The following MYO1F variants were observed in gnomAD, a reference collection of about 807,000 sequenced individuals.
The protein encoded by MYO1F is unconventional myosin-If.
A neutral mutation model predicts 146.6 loss-of-function variants in MYO1F; 60 were observed. That is an observed-to-expected ratio of 0.41 (90% CI 0.33 to 0.51). The LOEUF (loss-of-function observed/expected upper bound fraction) is 0.51, where lower values mean the gene tolerates loss of function less well. Ranked by LOEUF, MYO1F falls within the 20% of genes least tolerant of loss-of-function variation. The pLI is 0.25. For synonymous variants in MYO1F, 602 were observed against 602.1 expected (o/e 1.00, Z 0.00); for missense variants, 1,274 against 1,534.3 (o/e 0.83, Z 2.83).
At chr19:8,532,532 C>A (rs74367415) in intron 19 of MYO1F, among the ~76,000 whole-genome samples, 2,670 of 152,190 alleles carry the variant, frequency 0.018, 33 homozygotes, top group African/African-American at 0.037. Flanking sequence ...GAGAAACATC[C>A]TACTTCAAAG....
intron 1 of MYO1F, chr19:8,576,928 CTA>C: frequency 2.7e-6 from 1 of 376,794 alleles, no homozygotes; most frequent in South Asian, 3.1e-5. Flanking sequence ...GGGGAAGTGA[CTA>C]GCCCAAGGCT....
chr19:8,522,183 C>T (rs937233717), intron 27 of MYO1F, among the ~76,000 whole-genome samples, 194 bp downstream of exon 27: 24 of 152,160 alleles, frequency 1.6e-4, no homozygotes, highest in East Asian at 1.5e-3. Context: ...CCACCACGCC[C>T]GGCTAATTTT....
At chr19:8,574,051 C>A (rs1460618722) in intron 1 of MYO1F, among the ~76,000 whole-genome samples, 1 of 152,080 alleles carries the variant, frequency 6.6e-6, no homozygotes, top group African/African-American at 2.4e-5. Context: ...ACTACCAACA[C>A]CTTTCCTCTC....
At chr19:8,549,893 T>G (rs773746108) in intron 10 of MYO1F, 4 of 560,824 alleles carry the variant, frequency 7.1e-6, no homozygotes, top group Non-Finnish European at 1.3e-5. Context: ...CCCAACCTCC[T>G]GGGTTCAAAT....
Position 8,577,011 on chromosome 19 carries a change from T to C in MYO1F, c.3+296A>G. 1 of 583,148 alleles carries C rather than the reference T, an allele frequency of 1.7e-6. No individual in the cohort carries two copies. The highest frequency in any genetic ancestry group is 3.1e-6 in the Non-Finnish European group (1 of 327,124). 36.1% of individuals were successfully genotyped at this position (583,148 alleles called of 1,614,324 possible). A position where few individuals can be genotyped will look rare whatever the true frequency, so the allele number is the denominator to read the frequency against. On this transcript the variant is annotated intron_variant, in intron 1 of 27. Coordinates refer to ENST00000644032, the MANE Select transcript of MYO1F (RefSeq NM_012335.4). This position sits in a 1 kb window ranked among gnomAD's most constrained non-coding sequence, Gnocchi z 4.3. ...TAATTTGCAAGCAAAGGAGGCTATG[T>C]CCTTGTCCCTGCAGACTCTGTGATT... is the stretch of plus-strand genomic sequence containing the variant.
At chr19:8,550,456 A>C (rs954281050) in intron 9 of MYO1F, 100 bp from the exon 10 acceptor site, 14 of 1,600,900 alleles carry the variant, frequency 8.7e-6, no homozygotes, top group Admixed American at 1.7e-5. Flanking sequence ...AGTGACACCC[A>C]CATTTTTTTC....
intron 1 of MYO1F, among the ~76,000 whole-genome samples, chr19:8,561,444 C>CTTTCTCCTCTCCCTCCCTTCT (rs1974116038): frequency 9.3e-6 from 1 of 107,296 alleles, no homozygotes; most frequent in African/African-American, 3.8e-5. Flanking sequence ...CCCTCCCTTC[C>CTTTCTCCTCTCCCTCCCTTCT]TTCCTCCCTC....
chr19:8,544,768 G>C (rs955717465), intron 13 of MYO1F, among the ~76,000 whole-genome samples: 2 of 151,986 alleles, frequency 1.3e-5, no homozygotes, highest in African/African-American at 4.8e-5. Flanking sequence ...AGGGGGACCT[G>C]CCTTATGTAT....
Position 8,548,257 on chromosome 19 carries a change from A to G in MYO1F, c.1162T>C (p.Tyr388His). The G allele has an allele frequency of 1.2e-6, 2 of 1,614,012 alleles. No homozygotes were observed. The highest frequency in any genetic ancestry group is 1.7e-6 in the Non-Finnish European group (2 of 1,180,000). ...CGTACCTGGAAGATCTCGAAGCCGT[A>G]AATGTCCAGCACACCGATGCTGTAC... ...EEYSIGVLDIYGFEIFQKNGF... is the reference protein window; with the variant it reads ...EEYSIGVLDIHGFEIFQKNGF... The change falls in exon 11 of 28, where the codon TAC becomes CAC. Residue 388 changes from tyrosine to histidine, a missense_variant. Tyr to His is a moderately conservative substitution (Grantham distance 83, BLOSUM62 2). Coordinates refer to ENST00000644032, the MANE Select transcript of MYO1F (RefSeq NM_012335.4).
intron 1 of MYO1F, among the ~76,000 whole-genome samples, chr19:8,558,033 C>T (rs1423654262): frequency 6.6e-6 from 1 of 152,198 alleles, no homozygotes; most frequent in African/African-American, 2.4e-5. Flanking sequence ...CCTCTACTCC[C>T]AGCCCTGCCT....
chr19:8,536,527 G>A lies in MYO1F; in HGVS notation c.1870C>T (p.Arg624Cys). Residue 624 changes from arginine to cysteine, a missense_variant, in exon 18 of 28, where the codon CGC (arginine) becomes TGC (cysteine). Coordinates refer to ENST00000644032, the MANE Select transcript of MYO1F (RefSeq NM_012335.4). ...IRVRRAGFAY[R>C]RQFAKFLQRY... ...TGCAGGAATTTGGCGAACTGGCGGCGGTAGGCGAAGCCGGCTCTGCGCACC... is the reference window on the plus strand; with the variant it reads ...TGCAGGAATTTGGCGAACTGGCGGCAGTAGGCGAAGCCGGCTCTGCGCACC... 1.9e-6 allele frequency: 3 copies of A among 1,613,126 alleles called. No individual in the cohort carries two copies. Among genetic ancestry groups the A allele is most frequent in the Non-Finnish European group, 2.5e-6 (3 of 1,179,812 alleles).
intron 24 of MYO1F, 113 bp from the exon 25 acceptor site, chr19:8,525,675 A>C: frequency 1.2e-6 from 1 of 860,452 alleles, no homozygotes; most frequent in South Asian, 1.4e-5. Context: ...AGGCTCTCCC[A>C]TTAGCACCGC....
chr19:8,548,414 G>A lies in MYO1F; in HGVS notation c.1102-97C>T, dbSNP rs147902198. The stretch of plus-strand genomic sequence containing the variant: ...GACACACGCCTAGCCAACTTCATGG[G>A]TGATGTCCCCTCATGCCAGTTTCCC... On this transcript the variant is annotated intron_variant, in intron 10 of 27. Transcript: ENST00000644032. The A allele has an allele frequency of 1.4e-4, 158 of 1,116,754 alleles. 1 individual carries two copies. The East Asian group carries it at 3.8e-3, about 27-fold the overall frequency. 69.2% of individuals were successfully genotyped at this position (1,116,754 alleles called of 1,614,324 possible). A position where few individuals can be genotyped will look rare whatever the true frequency, so the allele number is the denominator to read the frequency against.
chr19:8,576,020 C>T (rs1421263418), intron 1 of MYO1F, among the ~76,000 whole-genome samples: 3 of 152,038 alleles, frequency 2.0e-5, no homozygotes, highest in Non-Finnish European at 2.9e-5. Context: ...TTTTTTGAGA[C>T]GGAGTGTGCT....
Position 8,536,276 on chromosome 19 carries a change from C to G in MYO1F, c.2019G>C (p.Lys673Asn), listed in dbSNP as rs779097714. 1 of 1,607,092 alleles carries G rather than the reference C, an allele frequency of 6.2e-7. No individual in the cohort carries two copies. The highest frequency in any genetic ancestry group is 1.1e-5 in the South Asian group (1 of 91,070). ...EPDQYQMGST[K>N]VFVKNPESLF... is the part of the protein sequence containing the mutation. ...CCGACTCTGGGTTCTTGACAAAGACCTTGGTGCTCCCCATCTGGTACTGGT... is the reference window on the plus strand; with the variant it reads ...CCGACTCTGGGTTCTTGACAAAGACGTTGGTGCTCCCCATCTGGTACTGGT... The change falls in exon 19 of 28, where the codon AAG becomes AAC. Residue 673 changes from lysine (K) to asparagine (N), a missense_variant. Coordinates refer to ENST00000644032, the MANE Select transcript of MYO1F (RefSeq NM_012335.4).
At chr19:8,540,322 C>A (rs1972906876) in intron 15 of MYO1F, 1 of 300,688 alleles carries the variant, frequency 3.3e-6, no homozygotes, top group East Asian at 5.4e-5. Flanking sequence ...TTGTACATTT[C>A]ATTTCATTTT....
intron 24 of MYO1F, among the ~76,000 whole-genome samples, chr19:8,525,928 T>C (rs1457118490): frequency 6.6e-6 from 1 of 152,134 alleles, no homozygotes; most frequent in Non-Finnish European, 1.5e-5. Context: ...TTGCCCTCTC[T>C]GGTCCAGCCT....
Position 8,521,451 on chromosome 19 carries a change from TTG to T in MYO1F, c.*75_*76del. The T allele has an allele frequency of 6.7e-7, 1 of 1,491,608 alleles. No individual in the cohort carries two copies. The highest frequency in any genetic ancestry group is 9.3e-7 in the Non-Finnish European group (1 of 1,074,984). The allele number at this position is 1,491,608 out of a possible 1,614,324, so 92.4% of individuals were successfully genotyped here. A position where few individuals can be genotyped will look rare whatever the true frequency, so the allele number is the denominator to read the frequency against. The stretch of plus-strand genomic sequence containing the variant: ...GCAGCCCAGGTAAACGAGGCTCTCA[TTG>T]GCAGGGCCTGGCTCCCCACCAGGCC... On this transcript the variant is annotated 3_prime_UTR_variant, in exon 28 of 28. Coordinates refer to ENST00000644032, the MANE Select transcript of MYO1F (RefSeq NM_012335.4).
intron 8 of MYO1F, 82 bp downstream of exon 8, chr19:8,551,658 C>G: frequency 6.2e-7 from 1 of 1,603,880 alleles, no homozygotes; most frequent in Non-Finnish European, 8.5e-7. Flanking sequence ...GCCTGGGCTT[C>G]GGTTTCCTAA....
Sources: allele counts gnomAD v4.1 joint callset (sites outside exome capture counted in the v4.1 genomes callset), GRCh38; gene constraint gnomAD v4.1.1; non-coding constraint Gnocchi (gnomAD v3.1); transcripts MANE v1.5; gene names NCBI Gene and HGNC (gene_info 2026-07-23, HGNC 2026-07-21).